KITLG: variants seen among roughly 807,000 people sequenced by gnomAD.
KITLG encodes KIT ligand, also known as c-Kit ligand.
Under a neutral mutation model 34.1 loss-of-function variants are expected in KITLG, and 13 were observed. The ratio of observed to expected loss-of-function variants is 0.38; its 90% CI spans 0.25 to 0.61. The LOEUF (loss-of-function observed/expected upper bound fraction) is 0.61, where lower values mean the gene tolerates loss of function less well. Ranked by LOEUF, KITLG falls within the 20% of genes least tolerant of loss-of-function variation. The pLI is 0.60. For missense variants in KITLG, 292 were observed against 318.9 expected (o/e 0.92, Z 0.64); for synonymous variants, 110 against 104.0 (o/e 1.06, Z -0.35).
chr12:88,569,236 C>G (rs1871561542), intron 1 of KITLG, among the ~76,000 whole-genome samples: 1 of 152,118 alleles, frequency 6.6e-6, no homozygotes, highest in Non-Finnish European at 1.5e-5. Flanking sequence ...CGATCTTGGG[C>G]ACATGATAGA....
At chr12:88,502,598 A>G (rs1340381475) in intron 9 of KITLG, among the ~76,000 whole-genome samples, 2 of 152,224 alleles carry the variant, frequency 1.3e-5, no homozygotes, top group East Asian at 3.9e-4. Context: ...CTAACTGACT[A>G]TTCAACACAT....
chr12:88,509,988 T>A (rs1292889498), intron 6 of KITLG, among the ~76,000 whole-genome samples: 1 of 152,080 alleles, frequency 6.6e-6, no homozygotes, highest in African/African-American at 2.4e-5. Flanking sequence ...CTGCAGAGAA[T>A]TTATGTGGAG....
At chr12:88,498,563 C>T (rs147762041) in intron 9 of KITLG, among the ~76,000 whole-genome samples, 2 of 152,124 alleles carry the variant, frequency 1.3e-5, no homozygotes, top group Admixed American at 6.5e-5. Flanking sequence ...TAATTGGAAA[C>T]ACAAAGCTTA....
chr12:88,522,327 C>T (rs1869698327), intron 3 of KITLG, among the ~76,000 whole-genome samples: 1 of 151,884 alleles, frequency 6.6e-6, no homozygotes, highest in South Asian at 2.1e-4. Context: ...TTCTGGCATG[C>T]TTTCTCCTCT....
At chr12:88,532,211 A>G (rs887413571) in intron 3 of KITLG, among the ~76,000 whole-genome samples, 3 of 152,022 alleles carry the variant, frequency 2.0e-5, no homozygotes, top group African/African-American at 4.8e-5. Flanking sequence ...AGGATAGTGA[A>G]GAACAACTAT....
chr12:88,556,143 A>G (rs1871089888), intron 1 of KITLG, among the ~76,000 whole-genome samples: 1 of 151,286 alleles, frequency 6.6e-6, no homozygotes, highest in Non-Finnish European at 1.5e-5. Context: ...TGCCCACAGA[A>G]GTGTGGAAAC....
At chr12:88,514,098 AAAG>A (rs1404303263) in intron 6 of KITLG, among the ~76,000 whole-genome samples, 1 of 151,698 alleles carries the variant, frequency 6.6e-6, no homozygotes, top group Non-Finnish European at 1.5e-5. Flanking sequence ...TCCATGAATC[AAAG>A]AAGAAATCAC....
chr12:88,561,069 C>G (rs966365109), intron 1 of KITLG, among the ~76,000 whole-genome samples: 1 of 151,254 alleles, frequency 6.6e-6, no homozygotes, highest in African/African-American at 2.4e-5. Context: ...AAAACATCAA[C>G]CTTAGAATCA....
At position 88,546,006 on chromosome 12, in the gene KITLG, T is replaced by C. The variant is rs375591124; in HGVS notation, c.16-141A>G. The C allele has an allele frequency of 5.4e-6, 4 of 738,056 alleles. No homozygotes were observed. The South Asian group carries it at 5.7e-5, about 10-fold the overall frequency. The allele number at this position is 738,056 out of a possible 1,614,324, so 45.7% of individuals were successfully genotyped here. A position where few individuals can be genotyped will look rare whatever the true frequency, so the allele number is the denominator to read the frequency against. ...CTTAAATGCAATTAAATATTACGCA[T>C]TCAAGCTATGCTCACCAAAGTTTTT... On this transcript the variant is annotated intron_variant, in intron 1 of 9. Transcript: ENST00000644744.
At position 88,548,605 on chromosome 12, in the gene KITLG, T is replaced by C. The variant is rs148411566; in HGVS notation, c.16-2740A>G. On this transcript the variant is annotated intron_variant, in intron 1 of 9. Coordinates refer to ENST00000644744, the MANE Select transcript of KITLG (RefSeq NM_000899.5). Reference sequence around the variant, plus strand: ...GGGTAGGTAGAATCATTCCTTCTGCTTATACCTTGCTAGCTGAGCAGCTTT... The same window carrying C: ...GGGTAGGTAGAATCATTCCTTCTGCCTATACCTTGCTAGCTGAGCAGCTTT... Among the ~76,000 whole-genome samples, 146 of 152,302 alleles carry C rather than the reference T, an allele frequency of 9.6e-4. 2 individuals carry two copies. In the East Asian group the frequency reaches 0.026, roughly 27 times the overall value.
chr12:88,577,140 T>TA (rs1381033661), intron 1 of KITLG, among the ~76,000 whole-genome samples: 7 of 152,082 alleles, frequency 4.6e-5, no homozygotes, highest in Admixed American at 1.3e-4. Context: ...AGGACAAGAC[T>TA]AAAAAAATGC....
At chr12:88,574,053 T>C (rs566555773) in intron 1 of KITLG, among the ~76,000 whole-genome samples, 1 of 137,516 alleles carries the variant, frequency 7.3e-6, no homozygotes, top group Admixed American at 8.4e-5. Context: ...ATCCCAATAA[T>C]AGCCATTGCT....
chr12:88,515,248 T>C (rs1160462949), intron 6 of KITLG, among the ~76,000 whole-genome samples: 1 of 151,854 alleles, frequency 6.6e-6, no homozygotes, highest in Non-Finnish European at 1.5e-5. Flanking sequence ...AGAATATATG[T>C]TAATGATTCA....
chr12:88,541,152 T>C (rs1486105839), intron 2 of KITLG, among the ~76,000 whole-genome samples: 1 of 152,180 alleles, frequency 6.6e-6, no homozygotes, highest in East Asian at 1.9e-4. Context: ...AAATGTGTTA[T>C]CTGAGGATAT....
At chr12:88,544,756 G>A (rs1160226332) in intron 2 of KITLG, among the ~76,000 whole-genome samples, 2 of 152,052 alleles carry the variant, frequency 1.3e-5, no homozygotes, top group Non-Finnish European at 2.9e-5. Flanking sequence ...GACTTCAACA[G>A]TGGCCTTAAA....
chr12:88,555,102 A>G (rs1182838326), intron 1 of KITLG, among the ~76,000 whole-genome samples: 2 of 152,228 alleles, frequency 1.3e-5, no homozygotes, highest in Non-Finnish European at 2.9e-5. Flanking sequence ...GAAGTTGCTT[A>G]ATATGAAAAG....
intron 1 of KITLG, among the ~76,000 whole-genome samples, chr12:88,563,209 G>A (rs1005337865): frequency 6.6e-6 from 1 of 152,170 alleles, no homozygotes; most frequent in Non-Finnish European, 1.5e-5. Context: ...TTCACTCAGG[G>A]AAGACATACC....
chr12:88,545,059 C>T (rs537781451), intron 2 of KITLG, among the ~76,000 whole-genome samples: 2 of 152,276 alleles, frequency 1.3e-5, no homozygotes, highest in South Asian at 2.1e-4. Context: ...TCCCCTAGAT[C>T]GTGACGGTTG....
intron 1 of KITLG, among the ~76,000 whole-genome samples, chr12:88,562,101 A>G (rs572051492): frequency 2.1e-4 from 32 of 152,342 alleles, no homozygotes; most frequent in African/African-American, 6.5e-4. Flanking sequence ...TATTATTCTT[A>G]TCCGTCATTC....
Sources: gnomAD v4.1 joint callset for allele counts (sites outside exome capture counted in the v4.1 genomes callset) on GRCh38, gnomAD v4.1.1 for gene constraint, MANE v1.5 for transcripts, NCBI Gene and HGNC (gene_info 2026-07-23, HGNC 2026-07-21) for gene names.